The following NOTCH2NLB variants were observed in gnomAD, a reference collection of about 807,000 sequenced individuals.
NOTCH2NLB encodes the protein notch 2 N-terminal like B, also known as notch homolog 2 N-terminal-like protein B.
In NOTCH2NLB, 1 loss-of-function variant was observed where a neutral mutation model predicts 14.8. That is an observed-to-expected ratio of 0.07 (90% CI 0.02 to 0.32). The LOEUF is 0.32. NOTCH2NLB is among the 10% of genes least tolerant of loss of function. The probability of loss-of-function intolerance (pLI) is 1.00; values close to 1 mark genes in which losing one functional copy is unlikely to be tolerated. For missense variants in NOTCH2NLB, 11 were observed against 155.0 expected, an observed-to-expected ratio of 0.07 and a Z score of 4.93; for synonymous variants, 6 against 57.5, an observed-to-expected ratio of 0.10 and a Z score of 4.05.
chr1:148,637,662 T>C (rs1345451729), intron 2 of NOTCH2NLB, among the ~76,000 whole-genome samples: 3 of 144,596 alleles, frequency 2.1e-5, no homozygotes, highest in Non-Finnish European at 4.6e-5. Context: ...GCCATGGTGG[T>C]TTGCTGCACC....
In NOTCH2NLB at chr1:148,638,629, A is replaced by T; in HGVS notation, c.77+1387T>A. ...AAGCTACATAAAACCTTTATTTCCA[A>T]TGTTATCTTTACTCCAATCCAAACA... On this transcript the variant is annotated intron_variant, in intron 2 of 4. Coordinates refer to ENST00000593495, the Ensembl canonical transcript of NOTCH2NLB. Among the ~76,000 whole-genome samples, 2 of 149,460 alleles carry T rather than the reference A, an allele frequency of 1.3e-5. 1 individual carries two copies. The highest frequency in any genetic ancestry group is 3.0e-5 in the Non-Finnish European group (2 of 67,330).
chr1:148,689,493 AG>A, the NOTCH2NLB span, among the ~76,000 whole-genome samples: 1 of 149,628 alleles, frequency 6.7e-6, no homozygotes, highest in Non-Finnish European at 1.5e-5. Flanking sequence ...CATGTTGACC[AG>A]GCTGGTCTCG....
At chr1:148,670,575 T>TAA (rs1664756666) in intron 1 of NOTCH2NLB, among the ~76,000 whole-genome samples, 10 of 136,000 alleles carry the variant, frequency 7.4e-5, no homozygotes, top group South Asian at 2.4e-4. Flanking sequence ...TATATATATA[T>TAA]ATAAATAAAT....
chr1:148,693,096 C>A, the NOTCH2NLB span, among the ~76,000 whole-genome samples: 4 of 117,350 alleles, frequency 3.4e-5, no homozygotes, highest in East Asian at 2.6e-4. Flanking sequence ...CCGCCCCCCC[C>A]CCCCCACCAT....
chr1:148,609,584 G>A (rs1246799238), intron 3 of NOTCH2NLB, among the ~76,000 whole-genome samples: 12 of 142,254 alleles, frequency 8.4e-5, no homozygotes, highest in African/African-American at 3.3e-4. Context: ...ATAGCAGCAC[G>A]ATTTATAATT....
At chr1:148,633,023 G>C (rs1213477604) in intron 2 of NOTCH2NLB, among the ~76,000 whole-genome samples, 2 of 118,948 alleles carry the variant, frequency 1.7e-5, no homozygotes, top group South Asian at 2.9e-4. Context: ...TAGTGTTCTA[G>C]AATGATATGA....
intron 1 of NOTCH2NLB, among the ~76,000 whole-genome samples, chr1:148,651,159 A>T (rs1207557997): frequency 4.2e-5 from 2 of 47,946 alleles, no homozygotes; most frequent in Non-Finnish European, 1.0e-4. Flanking sequence ...AAAAAAAAAA[A>T]AAAATATATA....
intron 1 of NOTCH2NLB, among the ~76,000 whole-genome samples, chr1:148,670,577 T>TATATATAG (rs1664756918): frequency 1.5e-5 from 2 of 133,928 alleles, no homozygotes; most frequent in Non-Finnish European, 3.3e-5. Context: ...TATATATATA[T>TATATATAG]AAATAAATCA....
intron 2 of NOTCH2NLB, among the ~76,000 whole-genome samples, chr1:148,637,837 G>C (rs1664245603): frequency 6.9e-6 from 1 of 145,634 alleles, no homozygotes; most frequent in South Asian, 2.2e-4. Flanking sequence ...GTGAGAACAT[G>C]CCGTGTTTGG....
chr1:148,670,577 T>TATAG (rs1664756918), intron 1 of NOTCH2NLB, among the ~76,000 whole-genome samples: 23 of 133,896 alleles, frequency 1.7e-4, no homozygotes, highest in Non-Finnish European at 1.1e-4. Flanking sequence ...TATATATATA[T>TATAG]AAATAAATCA....
At chr1:148,679,715 C>G (rs1664898453) in exon 1 of NOTCH2NLB, 1 of 1,016,092 alleles carries the variant, frequency 9.8e-7, no homozygotes, top group African/African-American at 1.8e-5. Flanking sequence ...CGCCGCTCCT[C>G]GGCCGCCGCC....
chr1:148,625,261 G>A (rs1663954551), intron 2 of NOTCH2NLB, among the ~76,000 whole-genome samples: 1 of 51,238 alleles, frequency 2.0e-5, no homozygotes, highest in Non-Finnish European at 3.3e-5. Context: ...CTCTCCCCTT[G>A]TTTTCTCCAC....
intron 3 of NOTCH2NLB, among the ~76,000 whole-genome samples, chr1:148,608,155 G>A (rs1290663640): frequency 7.4e-6 from 1 of 135,784 alleles, no homozygotes; most frequent in Non-Finnish European, 1.5e-5. Context: ...TTGGAAGGCC[G>A]AGGCAGGCAG....
chr1:148,679,768 C>A lies in NOTCH2NLB; in HGVS notation c.-304G>T. 8.4e-6 allele frequency: 6 copies of A among 714,318 alleles called. 1 individual carries two copies. Among genetic ancestry groups the A allele is most frequent in the Non-Finnish European group, 1.1e-5 (6 of 542,022 alleles). 44.2% of individuals were successfully genotyped at this position (714,318 alleles called of 1,614,324 possible). On this transcript the variant is annotated 5_prime_UTR_variant, in exon 1 of 5. Transcript: ENST00000593495. ...GGCTGAAACTTTCTCGGGTGTGCAGCGAAGCAGCCTCGTGTGTCCTTCCGC... is the reference window on the plus strand; with the variant it reads ...GGCTGAAACTTTCTCGGGTGTGCAGAGAAGCAGCCTCGTGTGTCCTTCCGC...
At chr1:148,615,321 T>C (rs1315524360) in intron 3 of NOTCH2NLB, among the ~76,000 whole-genome samples, 1 of 38,934 alleles carries the variant, frequency 2.6e-5, no homozygotes, top group East Asian at 8.1e-4. Flanking sequence ...ATTTTTATTC[T>C]TGTTTTTTTG....
intron 2 of NOTCH2NLB, among the ~76,000 whole-genome samples, chr1:148,638,880 AAAG>A (rs1174770844): frequency 2.8e-5 from 4 of 145,340 alleles, no homozygotes; most frequent in Non-Finnish European, 3.0e-5. Flanking sequence ...CCACCAAAGC[AAAG>A]AAGAACTACT....
intron 1 of NOTCH2NLB, among the ~76,000 whole-genome samples, chr1:148,660,488 T>C (rs1463806273): frequency 2.0e-5 from 3 of 147,468 alleles, no homozygotes; most frequent in Non-Finnish European, 3.0e-5. Context: ...AAAGAGCAGA[T>C]AGAAGACCTG....
At position 148,637,226 on chromosome 1, in the gene NOTCH2NLB, G is replaced by A. The variant is rs1390905655; in HGVS notation, c.77+2790C>T. Among the ~76,000 whole-genome samples, 19 of 144,676 alleles carry A rather than the reference G, an allele frequency of 1.3e-4. 1 individual carries two copies. Among genetic ancestry groups the A allele is most frequent in the Middle Eastern group, 3.6e-3 (1 of 274 alleles). The allele number at this position is 144,676 out of a possible 152,430, so 94.9% of individuals were successfully genotyped here. On this transcript the variant is annotated intron_variant, in intron 2 of 4. Coordinates refer to ENST00000593495, the Ensembl canonical transcript of NOTCH2NLB. ...TGGGATTACAGGTGCGTGCCACCACGCCCAGCTAATTTTTTGCATTTTTAG... is the reference window on the plus strand; with the variant it reads ...TGGGATTACAGGTGCGTGCCACCACACCCAGCTAATTTTTTGCATTTTTAG...
chr1:148,703,381 C>T, the NOTCH2NLB span, among the ~76,000 whole-genome samples: 1 of 97,402 alleles, frequency 1.0e-5, no homozygotes, highest in Non-Finnish European at 2.1e-5. Flanking sequence ...ATGGTTAATT[C>T]TGTCTGTGGG....
Sources: gnomAD v4.1 joint callset for allele counts (sites outside exome capture counted in the v4.1 genomes callset) on GRCh38, gnomAD v4.1.1 for gene constraint, MANE v1.5 for transcripts, NCBI Gene and HGNC (gene_info 2026-07-23, HGNC 2026-07-21) for gene names.